The following FBXL7 variants were observed in gnomAD, a reference collection of about 807,000 sequenced individuals.
The protein encoded by FBXL7 is F-box and leucine rich repeat protein 7.
Under a neutral mutation model 38.3 loss-of-function variants are expected in FBXL7, and 12 were observed. That is an observed-to-expected ratio of 0.31 (90% CI 0.20 to 0.51). The LOEUF is 0.51. Among genes scored for constraint, FBXL7 ranks in the 20% least tolerant of loss-of-function variants. FBXL7 has a pLI of 0.98. For missense variants in FBXL7, 567 were observed against 676.4 expected, an observed-to-expected ratio of 0.84 and a Z score of 1.79; for synonymous variants, 297 against 300.9, an observed-to-expected ratio of 0.99 and a Z score of 0.13.
chr5:15,774,573 A>G (rs527413701), intron 2 of FBXL7, among the ~76,000 whole-genome samples: 11 of 152,276 alleles, frequency 7.2e-5, no homozygotes, highest in African/African-American at 2.6e-4. Flanking sequence ...CCACCATAAT[A>G]TGGACTCCAG....
intron 2 of FBXL7, among the ~76,000 whole-genome samples, chr5:15,916,381 G>A (rs964560133): frequency 6.6e-6 from 1 of 152,176 alleles, no homozygotes; most frequent in South Asian, 2.1e-4. Flanking sequence ...GGGGGAGCAT[G>A]GTCTAGATTG....
In FBXL7 at chr5:15,928,046, GCC is replaced by G; in HGVS notation, c.285_286del (p.Leu96HisfsTer136). On this transcript the variant is annotated frameshift_variant, in exon 3 of 4. Coordinates refer to ENST00000504595, the MANE Select transcript of FBXL7 (RefSeq NM_012304.5). LOFTEE classifies it high-confidence loss of function. The surrounding 1 kb of genome is among the most constrained non-coding windows in gnomAD (Gnocchi z 4.0). ...ATGGTGCACTCCCCGCCCCCGACCCGCCTCACACACCCGCTCATCCGGCTCGC... is the reference window on the plus strand; with the variant it reads ...ATGGTGCACTCCCCGCCCCCGACCCGTCACACACCCGCTCATCCGGCTCGC... 7.1e-7 allele frequency: 1 copy of G among 1,414,674 alleles called. No individual in the cohort carries two copies. Among genetic ancestry groups the G allele is most frequent in the Non-Finnish European group, 9.3e-7 (1 of 1,077,900 alleles). The allele number at this position is 1,414,674 out of a possible 1,614,324, so 87.6% of individuals were successfully genotyped here.
At position 15,597,574 on chromosome 5, in the gene FBXL7, G is replaced by A. The variant is rs550288949; in HGVS notation, c.38-18409G>A. On this transcript the variant is annotated intron_variant, in intron 1 of 3. Coordinates refer to ENST00000504595, the MANE Select transcript of FBXL7 (RefSeq NM_012304.5). ...AACGAGTTGAAGGCCTACAAATTAC[G>A]TTCCAACACAGTTTTACAAGAAGGC... Among the ~76,000 whole-genome samples, 177 of 150,172 alleles carry A rather than the reference G, an allele frequency of 1.2e-3. 1 individual carries two copies. Among genetic ancestry groups the A allele is most frequent in the African/African-American group, 3.8e-3 (156 of 40,856 alleles).
At chr5:15,806,889 C>T (rs1416652266) in intron 2 of FBXL7, among the ~76,000 whole-genome samples, 2 of 152,192 alleles carry the variant, frequency 1.3e-5, no homozygotes, top group African/African-American at 2.4e-5. Flanking sequence ...GTCAAATGTG[C>T]ACTGTCCCTG....
intron 2 of FBXL7, among the ~76,000 whole-genome samples, chr5:15,846,621 CTAGTT>C (rs1738911345): frequency 6.6e-6 from 1 of 152,114 alleles, no homozygotes; most frequent in Non-Finnish European, 1.5e-5. Flanking sequence ...TGCAAAGTCC[CTAGTT>C]ATACAGGTTG....
chr5:15,618,753 C>T (rs1445790048), intron 2 of FBXL7, among the ~76,000 whole-genome samples: 1 of 152,208 alleles, frequency 6.6e-6, no homozygotes, highest in East Asian at 1.9e-4. Flanking sequence ...CTCACTCAGA[C>T]TGTTAGCACT....
intron 2 of FBXL7, among the ~76,000 whole-genome samples, chr5:15,718,014 A>C (rs1744091196): frequency 6.6e-6 from 1 of 152,216 alleles, no homozygotes; most frequent in South Asian, 2.1e-4. Flanking sequence ...TGCATGTAAT[A>C]ATTGATGGGA....
At position 15,718,063 on chromosome 5, in the gene FBXL7, T is replaced by A. The variant is rs190743993; in HGVS notation, c.127+101991T>A. Among the ~76,000 whole-genome samples the A allele has an allele frequency of 7.1e-3, 1,076 of 152,264 alleles. 4 individuals are homozygous for A. Among genetic ancestry groups the A allele is most frequent in the Middle Eastern group, 0.01 (3 of 294 alleles). ...CCTTCATAGAAGGTACATGCTGAAGTATTACAGGGACGCAGAGTCAGTCAC... is the reference window on the plus strand; with the variant it reads ...CCTTCATAGAAGGTACATGCTGAAGAATTACAGGGACGCAGAGTCAGTCAC... On this transcript the variant is annotated intron_variant, in intron 2 of 3. Coordinates refer to ENST00000504595, the MANE Select transcript of FBXL7 (RefSeq NM_012304.5).
intron 2 of FBXL7, among the ~76,000 whole-genome samples, chr5:15,728,901 A>G (rs1735494285): frequency 1.3e-5 from 2 of 152,150 alleles, no homozygotes; most frequent in South Asian, 4.1e-4. Flanking sequence ...AGCATGGATC[A>G]GGCATTTCAT....
chr5:15,651,388 C>A (rs1165085170), intron 2 of FBXL7, among the ~76,000 whole-genome samples: 1 of 152,138 alleles, frequency 6.6e-6, no homozygotes, highest in Non-Finnish European at 1.5e-5. Context: ...AGCCACTGTG[C>A]CCGGCCAACA....
At chr5:15,523,354 C>T (rs1019239094) in intron 1 of FBXL7, among the ~76,000 whole-genome samples, 6 of 152,060 alleles carry the variant, frequency 3.9e-5, no homozygotes, top group Non-Finnish European at 7.3e-5. Flanking sequence ...GTCAGGAGAT[C>T]GAGACCATCC....
intron 2 of FBXL7, among the ~76,000 whole-genome samples, chr5:15,635,781 C>G (rs1056596470): frequency 6.6e-6 from 1 of 152,148 alleles, no homozygotes; most frequent in Non-Finnish European, 1.5e-5. Context: ...TGAGAGAGGA[C>G]AAACCTGCTC....
intron 2 of FBXL7, among the ~76,000 whole-genome samples, chr5:15,645,225 A>G (rs1170517921): frequency 6.6e-6 from 1 of 152,144 alleles, no homozygotes; most frequent in Non-Finnish European, 1.5e-5. Flanking sequence ...AGGAAAATAA[A>G]TCTTGGGACC....
At position 15,700,064 on chromosome 5, in the gene FBXL7, C is replaced by T. The variant is rs563771696; in HGVS notation, c.127+83992C>T. Among the ~76,000 whole-genome samples, 19 of 152,258 alleles carry T rather than the reference C, an allele frequency of 1.2e-4. No homozygotes were observed. In the South Asian group the frequency reaches 3.5e-3, roughly 28 times the overall value. On this transcript the variant is annotated intron_variant, in intron 2 of 3. Transcript: ENST00000504595. The stretch of plus-strand genomic sequence containing the variant: ...AACTAAAGCTCATTCTAACAATTGT[C>T]TTTATAAAATTAAAGGTGTTGTCGA...
chr5:15,548,884 A>ATATGCATTTGTGTT (rs1737988745), intron 1 of FBXL7, among the ~76,000 whole-genome samples: 1 of 152,222 alleles, frequency 6.6e-6, no homozygotes, highest in African/African-American at 2.4e-5. Flanking sequence ...GAACAACTGG[A>ATATGCATTTGTGTT]TATGCATTTG....
chr5:15,819,889 G>A (rs1021602897), intron 2 of FBXL7, among the ~76,000 whole-genome samples: 1 of 152,152 alleles, frequency 6.6e-6, no homozygotes, highest in African/African-American at 2.4e-5. Flanking sequence ...AGCTTGAGTG[G>A]TGGTTGTTCA....
intron 1 of FBXL7, among the ~76,000 whole-genome samples, chr5:15,554,094 C>G (rs1738163344): frequency 6.6e-6 from 1 of 152,142 alleles, no homozygotes; most frequent in African/African-American, 2.4e-5. Context: ...TCATTTCTGC[C>G]TATTAGGTGT....
At chr5:15,547,814 T>C (rs73754133) in intron 1 of FBXL7, among the ~76,000 whole-genome samples, 2,209 of 152,296 alleles carry the variant, frequency 0.015, 48 homozygotes, top group African/African-American at 0.049. Context: ...CCTACAGTTA[T>C]TCTTGTCAAC....
At chr5:15,581,255 T>TA (rs747841572) in intron 1 of FBXL7, among the ~76,000 whole-genome samples, 78 of 151,924 alleles carry the variant, frequency 5.1e-4, no homozygotes, top group Non-Finnish European at 7.4e-4. Flanking sequence ...ATTATGTCAT[T>TA]AAAAAAAATC....
Sources: allele counts gnomAD v4.1 joint callset (sites outside exome capture counted in the v4.1 genomes callset), GRCh38; gene constraint gnomAD v4.1.1; non-coding constraint Gnocchi (gnomAD v3.1); transcripts MANE v1.5; gene names NCBI Gene and HGNC (gene_info 2026-07-23, HGNC 2026-07-21).